TMEFF2: variants seen among roughly 807,000 people sequenced by gnomAD.
The protein encoded by TMEFF2 is transmembrane protein with EGF like and two follistatin like domains 2.
A neutral mutation model predicts 53.8 loss-of-function variants in TMEFF2; 28 were observed. The observed-to-expected ratio is 0.52, with a 90% confidence interval of 0.39 to 0.71. The LOEUF is 0.71. TMEFF2 is among the 30% of genes least tolerant of loss of function. TMEFF2 has a pLI of 0.00. For missense variants in TMEFF2, 353 were observed against 455.2 expected (o/e 0.78, Z 2.04); for synonymous variants, 162 against 166.3 (o/e 0.97, Z 0.20).
chr2:192,151,744 G>T (rs183018035), intron 4 of TMEFF2, among the ~76,000 whole-genome samples: 1 of 152,010 alleles, frequency 6.6e-6, no homozygotes, highest in African/African-American at 2.4e-5. Flanking sequence ...ATGATGGGAA[G>T]AAGACATTCT....
chr2:192,117,550 G>A (rs1689442950), intron 4 of TMEFF2, among the ~76,000 whole-genome samples: 1 of 152,072 alleles, frequency 6.6e-6, no homozygotes, highest in African/African-American at 2.4e-5. Context: ...TCTGGAGGCA[G>A]AGAACCTAAG....
chr2:192,052,285 A>G (rs1574328803), intron 5 of TMEFF2, among the ~76,000 whole-genome samples: 1 of 152,326 alleles, frequency 6.6e-6, no homozygotes, highest in African/African-American at 2.4e-5. Context: ...CCAATTTCAT[A>G]CCCAGCCATT....
rs909553109 is a variant in TMEFF2 at position 192,003,931 on chromosome 2, G to T, written c.537-4723C>A. The stretch of plus-strand genomic sequence containing the variant: ...TGAAAAAATTTGTGTGTGTGTGTGG[G>T]GGGGGGGCTCACACTCACCTCCATG... On this transcript the variant is annotated intron_variant, in intron 5 of 9. Coordinates refer to ENST00000272771, the MANE Select transcript of TMEFF2 (RefSeq NM_016192.4). Among the ~76,000 whole-genome samples the T allele has an allele frequency of 2.5e-3, 370 of 150,872 alleles. 11 individuals are homozygous for T. Among genetic ancestry groups the T allele is most frequent in the East Asian group, 7.0e-3 (36 of 5,146 alleles).
At chr2:192,130,516 C>T (rs145026220) in intron 4 of TMEFF2, among the ~76,000 whole-genome samples, 3,112 of 152,216 alleles carry the variant, frequency 0.02, 98 homozygotes, top group African/African-American at 0.072. Context: ...ACTGATGACA[C>T]TCCACCATTG....
intron 4 of TMEFF2, among the ~76,000 whole-genome samples, chr2:192,173,579 A>G (rs1233763008): frequency 6.6e-6 from 1 of 151,928 alleles, no homozygotes; most frequent in Non-Finnish European, 1.5e-5. Context: ...TTGGTTTTCT[A>G]TAAAGGCAAT....
At chr2:192,150,515 C>T (rs1341510718) in intron 4 of TMEFF2, among the ~76,000 whole-genome samples, 3 of 151,780 alleles carry the variant, frequency 2.0e-5, no homozygotes, top group Non-Finnish European at 2.9e-5. Flanking sequence ...TGCTTTAGTG[C>T]ACAACTCTGC....
chr2:192,181,941 C>T (rs1367256826), intron 3 of TMEFF2, among the ~76,000 whole-genome samples: 1 of 151,702 alleles, frequency 6.6e-6, no homozygotes, highest in African/African-American at 2.4e-5. Context: ...ATAAGTCATC[C>T]TGGCCAACTG....
At chr2:191,955,025 G>T (rs1692022872) in intron 8 of TMEFF2, among the ~76,000 whole-genome samples, 1 of 151,490 alleles carries the variant, frequency 6.6e-6, no homozygotes, top group Non-Finnish European at 1.5e-5. Context: ...GAGTGAGGGG[G>T]TAGCAAGAGT....
chr2:192,158,503 AT>A (rs1254203096), intron 4 of TMEFF2, among the ~76,000 whole-genome samples: 2 of 152,160 alleles, frequency 1.3e-5, no homozygotes, highest in Non-Finnish European at 2.9e-5. Context: ...AGAAAATAAT[AT>A]ATTCAAAATC....
intron 4 of TMEFF2, among the ~76,000 whole-genome samples, chr2:192,066,861 A>G (rs1415050167): frequency 6.6e-6 from 1 of 151,902 alleles, no homozygotes; most frequent in Non-Finnish European, 1.5e-5. Flanking sequence ...TTATAATTAA[A>G]TATAGCTTTG....
intron 7 of TMEFF2, among the ~76,000 whole-genome samples, chr2:191,971,160 C>G (rs1692628718): frequency 6.6e-6 from 1 of 152,146 alleles, no homozygotes; most frequent in African/African-American, 2.4e-5. Context: ...CAGTTTACTT[C>G]TACATGGACA....
At chr2:191,980,315 G>A (rs1685824373) in intron 7 of TMEFF2, among the ~76,000 whole-genome samples, 1 of 152,180 alleles carries the variant, frequency 6.6e-6, no homozygotes. Flanking sequence ...TGGAAGGTGT[G>A]AAGGGCAGGC....
chr2:192,073,163 G>GA (rs1182263870), intron 4 of TMEFF2, among the ~76,000 whole-genome samples: 2 of 151,938 alleles, frequency 1.3e-5, no homozygotes, highest in South Asian at 2.1e-4. Flanking sequence ...GCAAATAAAT[G>GA]AAAAAAATAT....
chr2:192,039,474 A>G (rs1687420379), intron 5 of TMEFF2, among the ~76,000 whole-genome samples: 2 of 152,228 alleles, frequency 1.3e-5, no homozygotes, highest in Non-Finnish European at 2.9e-5. Context: ...GATATTTATC[A>G]TAAAACTTTG....
intron 4 of TMEFF2, among the ~76,000 whole-genome samples, chr2:192,133,880 C>T (rs1574403784): frequency 6.6e-6 from 1 of 152,218 alleles, no homozygotes; most frequent in African/African-American, 2.4e-5. Context: ...CGTGCTCTCC[C>T]TGCTGATCGT....
At chr2:191,952,719 G>A (rs1467179017) in intron 9 of TMEFF2, among the ~76,000 whole-genome samples, 1 of 152,116 alleles carries the variant, frequency 6.6e-6, no homozygotes, top group African/African-American at 2.4e-5. Context: ...AGAAGATTGT[G>A]CAATACCATA....
At chr2:192,130,922 G>A (rs1689808828) in intron 4 of TMEFF2, among the ~76,000 whole-genome samples, 2 of 151,810 alleles carry the variant, frequency 1.3e-5, no homozygotes, top group Admixed American at 6.6e-5. Flanking sequence ...GACTGGGAAG[G>A]CAGCCTTCCC....
At chr2:192,029,059 T>C (rs912706693) in intron 5 of TMEFF2, 4 of 152,166 alleles carry the variant, frequency 2.6e-5, no homozygotes, top group Admixed American at 6.5e-5. Context: ...GCCACAATGA[T>C]GCTATGTTGC....
At chr2:192,166,589 T>C (rs1485701767) in intron 4 of TMEFF2, among the ~76,000 whole-genome samples, 2 of 152,144 alleles carry the variant, frequency 1.3e-5, no homozygotes, top group Non-Finnish European at 2.9e-5. Context: ...ATTTCAGGCT[T>C]AAGGCTTTAA....
Sources: gnomAD v4.1 joint callset for allele counts (sites outside exome capture counted in the v4.1 genomes callset) on GRCh38, gnomAD v4.1.1 for gene constraint, MANE v1.5 for transcripts, NCBI Gene and HGNC (gene_info 2026-07-23, HGNC 2026-07-21) for gene names.